DPP6: variants seen among roughly 807,000 people sequenced by gnomAD.
DPP6 encodes dipeptidyl peptidase like 6, also known as A-type potassium channel modulatory protein DPP6.
Under a neutral mutation model 122.6 loss-of-function variants are expected in DPP6, and 69 were observed. The observed-to-expected ratio is 0.56, with a 90% CI of 0.46 to 0.69. The LOEUF (loss-of-function observed/expected upper bound fraction) is 0.69. DPP6 is among the 30% of genes least tolerant of loss of function. The pLI is 0.00. For synonymous variants in DPP6, 418 were observed against 433.1 expected (o/e 0.97, Z 0.43); for missense variants, 928 against 1,116.9 (o/e 0.83, Z 2.41).
chr7:153,963,792 A>G (rs1385884536), intron 1 of DPP6, among the ~76,000 whole-genome samples: 1 of 152,216 alleles, frequency 6.6e-6, no homozygotes, highest in Middle Eastern at 3.4e-3. Flanking sequence ...CCCGTGTCCC[A>G]TCCATGGACA....
intron 1 of DPP6, among the ~76,000 whole-genome samples, chr7:153,898,751 G>T (rs542770253): frequency 6.6e-6 from 1 of 152,260 alleles, no homozygotes; most frequent in African/African-American, 2.4e-5. Flanking sequence ...TTGGCAAACA[G>T]GGGCTATGAG....
the DPP6 span, among the ~76,000 whole-genome samples, chr7:153,856,836 T>G: frequency 6.6e-6 from 1 of 152,152 alleles, no homozygotes; most frequent in African/African-American, 2.4e-5. Context: ...TAATAAGCAA[T>G]GTGGGGATTA....
chr7:154,589,389 C>T lies in DPP6; in HGVS notation c.627+22473C>T, dbSNP rs183424965. Among the ~76,000 whole-genome samples the T allele has an allele frequency of 1.0e-3, 156 of 152,328 alleles. 1 individual carries two copies. The highest frequency in any genetic ancestry group is 3.4e-3 in the African/African-American group (142 of 41,576). On this transcript the variant is annotated intron_variant, in intron 5 of 25. Coordinates refer to ENST00000377770, the MANE Select transcript of DPP6 (RefSeq NM_130797.4). ...ACACAGAATTCATCCTTGTAGACCA[C>T]TTACTTTCTTCCCAGGCTGGGCAGT...
At chr7:154,548,479 G>T (rs928746731) in intron 4 of DPP6, among the ~76,000 whole-genome samples, 3 of 148,346 alleles carry the variant, frequency 2.0e-5, no homozygotes, top group African/African-American at 7.5e-5. Context: ...AGTGAGCCGA[G>T]ATGGTGCCAT....
At position 154,868,086 on chromosome 7, in the gene DPP6, T is replaced by C. The variant is rs999017638; in HGVS notation, c.1806T>C (p.Asp602=). The change falls in exon 18 of 26, where the codon GAT becomes GAC. Residue 602 remains aspartate, a synonymous_variant. Coordinates refer to ENST00000377770, the MANE Select transcript of DPP6 (RefSeq NM_130797.4). ...TGGAATACAGGGACATTGAGATTGA[T>C]GATTACAGTAAGTACTACGTTTTTC... ...PKVEYRDIEI[D]DYNLPMQILK... is the part of the protein sequence containing the mutation. 1 of 1,604,124 alleles carries C rather than the reference T, an allele frequency of 6.2e-7. No homozygotes were observed. The highest frequency in any genetic ancestry group is 8.5e-7 in the Non-Finnish European group (1 of 1,175,312).
At chr7:154,200,657 G>A (rs1228808366) in intron 1 of DPP6, among the ~76,000 whole-genome samples, 3 of 152,168 alleles carry the variant, frequency 2.0e-5, no homozygotes, top group Non-Finnish European at 4.4e-5. Context: ...GAATGCCTTA[G>A]TGCTCCTGAA....
intron 1 of DPP6, among the ~76,000 whole-genome samples, chr7:154,175,524 G>A (rs991763909): frequency 2.0e-5 from 3 of 151,492 alleles, no homozygotes; most frequent in South Asian, 2.1e-4. Flanking sequence ...GATCTGCACC[G>A]CCCCACTCCC....
At chr7:154,074,637 A>G (rs1803425190) in intron 1 of DPP6, among the ~76,000 whole-genome samples, 1 of 152,336 alleles carries the variant, frequency 6.6e-6, no homozygotes, top group Non-Finnish European at 1.5e-5. Context: ...ATAGAAAAAG[A>G]AAGGTTAAAT....
chr7:154,599,533 T>C (rs1003256394), intron 5 of DPP6, among the ~76,000 whole-genome samples: 6 of 151,492 alleles, frequency 4.0e-5, no homozygotes. Context: ...CATTATACTT[T>C]AAGTTCTAGG....
chr7:153,996,238 G>GT (rs1342222891), intron 1 of DPP6, among the ~76,000 whole-genome samples: 3 of 152,168 alleles, frequency 2.0e-5, no homozygotes, highest in African/African-American at 7.2e-5. Context: ...TTTATTTCAC[G>GT]TAGTATTGGC....
intron 17 of DPP6, among the ~76,000 whole-genome samples, chr7:154,859,334 C>T (rs1803120931): frequency 6.6e-6 from 1 of 152,260 alleles, no homozygotes; most frequent in Admixed American, 6.5e-5. Flanking sequence ...AGACAGGAGG[C>T]CTCGGGGAGC....
At chr7:154,192,800 G>A (rs1394694648) in intron 1 of DPP6, among the ~76,000 whole-genome samples, 1 of 152,234 alleles carries the variant, frequency 6.6e-6, no homozygotes, top group African/African-American at 2.4e-5. Flanking sequence ...ACTCCAGCTA[G>A]TAAAGCAGGT....
intron 12 of DPP6, 81 bp from the exon 13 acceptor site, chr7:154,801,274 G>A (rs186593606): frequency 4.5e-5 from 69 of 1,520,736 alleles, no homozygotes; most frequent in Middle Eastern, 1.7e-4. Context: ...AATGTATCTC[G>A]GGGTGTATTT....
At chr7:154,155,641 G>T (rs997498487) in intron 1 of DPP6, among the ~76,000 whole-genome samples, 3 of 152,188 alleles carry the variant, frequency 2.0e-5, no homozygotes, top group African/African-American at 7.2e-5. Context: ...GTAGAAACTG[G>T]TCAGCATTTT....
At chr7:153,884,649 T>C (rs1198193581), upstream of DPP6, among the ~76,000 whole-genome samples, 1 of 152,120 alleles carries the variant, frequency 6.6e-6, no homozygotes, top group African/African-American at 2.4e-5. Context: ...TTTCCAGGGA[T>C]AATTTGAAGG....
At chr7:153,811,880 G>C in the DPP6 span, among the ~76,000 whole-genome samples, 48 of 152,180 alleles carry the variant, frequency 3.2e-4, no homozygotes, top group African/African-American at 1.1e-3. Flanking sequence ...GCATCTTCCA[G>C]TGTTGGGTTT....
At chr7:154,841,628 A>G (rs1801554135) in intron 16 of DPP6, among the ~76,000 whole-genome samples, 1 of 151,810 alleles carries the variant, frequency 6.6e-6, no homozygotes. Context: ...CCCTTATTCA[A>G]AATGCCTATC....
intron 6 of DPP6, among the ~76,000 whole-genome samples, chr7:154,655,384 T>C (rs1308373063): frequency 6.6e-6 from 1 of 152,230 alleles, no homozygotes; most frequent in Non-Finnish European, 1.5e-5. Flanking sequence ...TGTGATTATT[T>C]TGAAATATAG....
At chr7:154,019,838 A>G (rs1180630599) in intron 1 of DPP6, among the ~76,000 whole-genome samples, 3 of 152,208 alleles carry the variant, frequency 2.0e-5, no homozygotes, top group African/African-American at 4.8e-5. Flanking sequence ...GCCAGTAACC[A>G]TAACAGATAA....
Sources: allele counts gnomAD v4.1 joint callset (sites outside exome capture counted in the v4.1 genomes callset), GRCh38; gene constraint gnomAD v4.1.1; transcripts MANE v1.5; gene names NCBI Gene and HGNC (gene_info 2026-07-23, HGNC 2026-07-21).